FARP2: variants seen among roughly 807,000 people sequenced by gnomAD.
FARP2 encodes FERM, ARH/RhoGEF and pleckstrin domain protein 2, also known as FERM, ARHGEF and pleckstrin domain-containing protein 2.
A neutral mutation model predicts 130.5 loss-of-function variants in FARP2; 111 were observed. The ratio of observed to expected loss-of-function variants is 0.85; its 90% confidence interval spans 0.73 to 1.00. The LOEUF is 1.00. FARP2 is among the 50% of genes least tolerant of loss of function. The pLI, the probability that FARP2 is intolerant of heterozygous loss-of-function variation, is 0.00. For synonymous variants in FARP2, 504 were observed against 516.9 expected (o/e 0.98, Z 0.34); for missense variants, 1,385 against 1,346.3 (o/e 1.03, Z -0.45).
In FARP2 at chr2:241,488,324, C is replaced by T. The variant is rs1439152461; in HGVS notation, c.2422-1638C>T. ...ATCCTTAGTATGGGCTCAGGAAGTTCTTCCCCATGCCAATATTATATTGGC... is the reference window on the plus strand; with the variant it reads ...ATCCTTAGTATGGGCTCAGGAAGTTTTTCCCCATGCCAATATTATATTGGC... On this transcript the variant is annotated intron_variant, in intron 21 of 26. Transcript: ENST00000264042. The T allele has an allele frequency of 2.0e-5, 3 of 151,514 alleles. No homozygotes were observed. The East Asian group carries it at 5.8e-4, about 29-fold the overall frequency. The allele number at this position is 151,514 out of a possible 1,614,324, so 9.4% of individuals were successfully genotyped here. A position where few individuals can be genotyped will look rare whatever the true frequency, so the allele number is the denominator to read the frequency against.
At chr2:241,489,891 G>C (rs1287506247) in intron 21 of FARP2, 71 bp from the exon 22 acceptor site, 7 of 1,042,176 alleles carry the variant, frequency 6.7e-6, no homozygotes, top group African/African-American at 1.6e-5. Context: ...CAGTCACCTT[G>C]TGTCCTGCTC....
chr2:241,449,282 G>A (rs956603831), intron 13 of FARP2, among the ~76,000 whole-genome samples: 2 of 150,748 alleles, frequency 1.3e-5, no homozygotes, highest in East Asian at 2.0e-4. Flanking sequence ...GCAATATAGC[G>A]AGACCCGGTT....
At chr2:241,491,436 G>A in intron 23 of FARP2, 80 bp from the exon 24 acceptor site, 3 of 1,512,518 alleles carry the variant, frequency 2.0e-6, no homozygotes, top group South Asian at 1.2e-5. Flanking sequence ...GGACCCCCGA[G>A]AGGAACCCAA....
chr2:241,458,576 G>A (rs1383926389), intron 14 of FARP2, among the ~76,000 whole-genome samples: 1 of 152,068 alleles, frequency 6.6e-6, no homozygotes, highest in Non-Finnish European at 1.5e-5. Flanking sequence ...TGCAAGTGAG[G>A]GCTAGTTCTG....
At chr2:241,433,213 G>A (rs1312140118) in intron 9 of FARP2, among the ~76,000 whole-genome samples, 2 of 152,066 alleles carry the variant, frequency 1.3e-5, no homozygotes, top group Non-Finnish European at 2.9e-5. Context: ...AGGGCGATAA[G>A]TCAAAGCCCA....
Position 241,493,522 on chromosome 2 carries a change from G to A in FARP2, c.3047+78G>A. Reference sequence around the variant, plus strand: ...GCTCCCATTTCTACTCATGGTGGTGGAGGCAAGTTTTCTGGGCCCTGGAAA... The same window carrying A: ...GCTCCCATTTCTACTCATGGTGGTGAAGGCAAGTTTTCTGGGCCCTGGAAA... On this transcript the variant is annotated intron_variant, in intron 26 of 26. Coordinates refer to ENST00000264042, the MANE Select transcript of FARP2 (RefSeq NM_014808.4). The A allele has an allele frequency of 2.8e-6, 4 of 1,421,218 alleles. No individual in the cohort carries two copies. In the Admixed American group the frequency reaches 5.2e-5, roughly 18 times the overall value. 88.0% of individuals were successfully genotyped at this position (1,421,218 alleles called of 1,614,324 possible). A position where few individuals can be genotyped will look rare whatever the true frequency, so the allele number is the denominator to read the frequency against.
chr2:241,491,823 AGTT>A (rs1237260708), intron 24 of FARP2, 144 bp downstream of exon 24: 2 of 765,390 alleles, frequency 2.6e-6, no homozygotes, highest in Non-Finnish European at 4.0e-6. Flanking sequence ...CCTTGGTAGA[AGTT>A]GGTATGGAAA....
At chr2:241,493,083 GAC>G in intron 25 of FARP2, 47 bp downstream of exon 25, 1 of 1,206,412 alleles carries the variant, frequency 8.3e-7, no homozygotes, top group South Asian at 1.2e-5. Flanking sequence ...CTAGCAGACA[GAC>G]ACTTAACCCT....
At position 241,466,724 on chromosome 2, in the gene FARP2, A is replaced by G. The variant is rs937098094; in HGVS notation, c.1894-1416A>G. 4.7e-5 allele frequency: 20 copies of G among 429,450 alleles called. 1 individual carries two copies. The South Asian group carries it at 1.1e-3, about 24-fold the overall frequency. 26.6% of individuals were successfully genotyped at this position (429,450 alleles called of 1,614,324 possible). ...CCACCACCACCACCCGTACCCTCCT[A>G]GGGGCTTCCAGAGCTTTTACACCTG... On this transcript the variant is annotated intron_variant, in intron 17 of 26. Transcript: ENST00000264042.
chr2:241,493,149 A>G, intron 25 of FARP2, 113 bp downstream of exon 25: 1 of 1,164,630 alleles, frequency 8.6e-7, no homozygotes, highest in African/African-American at 1.5e-5. Flanking sequence ...CTTTGCCCAC[A>G]CACCCTGTGC....
At chr2:241,398,371 A>G (rs961960385) in intron 2 of FARP2, among the ~76,000 whole-genome samples, 8 of 152,140 alleles carry the variant, frequency 5.3e-5, no homozygotes, top group African/African-American at 1.4e-4. Flanking sequence ...AAGTATGTAT[A>G]TATTTATCAG....
chr2:241,448,595 AT>A (rs2063570690), intron 13 of FARP2, among the ~76,000 whole-genome samples: 1 of 152,246 alleles, frequency 6.6e-6, no homozygotes, highest in South Asian at 2.1e-4. Flanking sequence ...ACCTTCACTT[AT>A]TCAAGAGGAG....
At chr2:241,439,934 G>A (rs979501456) in intron 12 of FARP2, among the ~76,000 whole-genome samples, 1 of 152,142 alleles carries the variant, frequency 6.6e-6, no homozygotes, top group Non-Finnish European at 1.5e-5. Flanking sequence ...TCCAGCCTGA[G>A]TGACAAGAGT....
In FARP2 at chr2:241,419,925, A is replaced by G. The variant is rs370548887; in HGVS notation, c.771+1816A>G. ...AGCACTTTGGGAGGCTAAGGTGGGC[A>G]GATTGCTTGAGTCCAGGAGTTTGAG... On this transcript the variant is annotated intron_variant, in intron 8 of 26. Coordinates refer to ENST00000264042, the MANE Select transcript of FARP2 (RefSeq NM_014808.4). 1.2e-4 allele frequency among the ~76,000 whole-genome samples: 18 copies of G among 152,296 alleles called. No individual in the cohort carries two copies. In the East Asian group the frequency reaches 3.1e-3, roughly 26 times the overall value.
intron 8 of FARP2, among the ~76,000 whole-genome samples, chr2:241,423,777 G>A (rs1038144830): frequency 6.6e-6 from 1 of 152,038 alleles, no homozygotes; most frequent in Non-Finnish European, 1.5e-5. Flanking sequence ...AATTTACCAA[G>A]CAAATGGAAA....
chr2:241,463,990 A>C lies in FARP2; in HGVS notation c.1893+10A>C, dbSNP rs1423640840. On this transcript the variant is annotated intron_variant, in intron 17 of 26. Transcript: ENST00000264042. ...CATGCGCCAGTTAAAGGTAGGCTGCATGGTGACTACTGCCTACATGAATGC... is the reference window on the plus strand; with the variant it reads ...CATGCGCCAGTTAAAGGTAGGCTGCCTGGTGACTACTGCCTACATGAATGC... 6.2e-7 allele frequency: 1 copy of C among 1,610,536 alleles called. No individual in the cohort carries two copies.
chr2:241,388,744 C>T (rs182804881), intron 2 of FARP2, among the ~76,000 whole-genome samples: 1 of 152,242 alleles, frequency 6.6e-6, no homozygotes, highest in East Asian at 1.9e-4. Context: ...GGGAGGATTG[C>T]TTAAGCCCAG....
chr2:241,462,026 C>G (rs2064034248), intron 14 of FARP2, among the ~76,000 whole-genome samples: 1 of 152,212 alleles, frequency 6.6e-6, no homozygotes, highest in South Asian at 2.1e-4. Context: ...TATAGGATCG[C>G]TCAGGGCTGG....
chr2:241,425,094 C>T (rs2062899613), intron 8 of FARP2, among the ~76,000 whole-genome samples: 1 of 152,060 alleles, frequency 6.6e-6, no homozygotes, highest in African/African-American at 2.4e-5. Context: ...ATAACCCCAG[C>T]TACTTGAGAG....
Sources: gnomAD v4.1 joint callset for allele counts (sites outside exome capture counted in the v4.1 genomes callset) on GRCh38, gnomAD v4.1.1 for gene constraint, MANE v1.5 for transcripts, NCBI Gene and HGNC (gene_info 2026-07-23, HGNC 2026-07-21) for gene names.